Variants in RBFOX1 observed in about 807,000 individuals in gnomAD.
The protein encoded by RBFOX1 is RNA binding fox-1 homolog 1.
In RBFOX1, 8 loss-of-function variants were observed where a neutral mutation model predicts 57.7. That is an observed-to-expected ratio of 0.14 (90% CI 0.08 to 0.25). The LOEUF (loss-of-function observed/expected upper bound fraction) is 0.25. Ranked by LOEUF, RBFOX1 falls within the 10% of genes least tolerant of loss-of-function variation. The pLI, the probability that RBFOX1 is intolerant of heterozygous loss-of-function variation, is 1.00. For synonymous variants in RBFOX1, 326 were observed against 222.4 expected (o/e 1.47, Z -4.15); for missense variants, 611 against 548.5 (o/e 1.11, Z -1.14).
intron 2 of RBFOX1, among the ~76,000 whole-genome samples, chr16:6,559,265 C>G (rs755388017): frequency 1.5e-4 from 23 of 151,958 alleles, no homozygotes; most frequent in African/African-American, 4.8e-5. Context: ...TCTAATTAGA[C>G]AAAACACCCA....
rs532875564 is a variant in RBFOX1, at chr16:6,925,777, G to C, written c.-15-126280G>C. ...AAGAACGGGAAATCCCCCAGGTAGG[G>C]ATGATATTTAGAAATAGGAATAAAA... is the stretch of plus-strand genomic sequence containing the variant. On this transcript the variant is annotated intron_variant, in intron 3 of 15. Coordinates refer to ENST00000550418, the MANE Select transcript of RBFOX1 (RefSeq NM_018723.4). 2.6e-5 allele frequency among the ~76,000 whole-genome samples: 4 copies of C among 151,962 alleles called. No individual in the cohort carries two copies. The East Asian group carries it at 5.8e-4, about 22-fold the overall frequency.
At chr16:6,069,489 C>T (rs1412986840) in intron 1 of RBFOX1, among the ~76,000 whole-genome samples, 1 of 151,754 alleles carries the variant, frequency 6.6e-6, no homozygotes, top group Admixed American at 6.6e-5. Flanking sequence ...CCTGCCTTCC[C>T]CATGTCATGC....
chr16:5,259,162 T>A (rs1490475594), intron 1 of RBFOX1, among the ~76,000 whole-genome samples: 3 of 151,732 alleles, frequency 2.0e-5, no homozygotes, highest in Non-Finnish European at 4.4e-5. Flanking sequence ...GGGACAGTAA[T>A]GAATATTTAT....
intron 4 of RBFOX1, among the ~76,000 whole-genome samples, chr16:7,515,237 A>G (rs1190658654): frequency 2.0e-5 from 3 of 148,370 alleles, no homozygotes; most frequent in Non-Finnish European, 4.4e-5. Context: ...AAAAGATGCT[A>G]GTTTAGTTAT....
chr16:5,623,656 T>A (rs973772574), intron 3 of RBFOX1, among the ~76,000 whole-genome samples: 3 of 152,140 alleles, frequency 2.0e-5, no homozygotes, highest in Non-Finnish European at 4.4e-5. Context: ...CCCCAGCTGC[T>A]TGTAATGTCT....
intron 3 of RBFOX1, among the ~76,000 whole-genome samples, chr16:6,876,622 G>T (rs565480984): frequency 6.6e-6 from 1 of 151,972 alleles, no homozygotes. Flanking sequence ...TAAAAGACTT[G>T]TATCTATTTT....
chr16:6,061,097 C>G (rs2095680055), intron 1 of RBFOX1, among the ~76,000 whole-genome samples: 2 of 152,176 alleles, frequency 1.3e-5, no homozygotes, highest in African/African-American at 4.8e-5. Flanking sequence ...ACCTGATTGG[C>G]CCAGGTCTTT....
At chr16:6,711,728 C>T (rs149119729) in intron 3 of RBFOX1, among the ~76,000 whole-genome samples, 65 of 152,192 alleles carry the variant, frequency 4.3e-4, no homozygotes, top group Non-Finnish European at 8.1e-4. Flanking sequence ...GAGAATGGAC[C>T]GATACACTCC....
chr16:7,611,311 C>A (rs959189305), intron 10 of RBFOX1, among the ~76,000 whole-genome samples: 1 of 152,104 alleles, frequency 6.6e-6, no homozygotes, highest in Non-Finnish European at 1.5e-5. Flanking sequence ...ATTGACCAGG[C>A]GTGGTGGCTC....
intron 2 of RBFOX1, among the ~76,000 whole-genome samples, chr16:5,514,428 C>T (rs1274920536): frequency 6.6e-6 from 1 of 152,188 alleles, no homozygotes. Flanking sequence ...TTCCTTTCTG[C>T]TGCCTTCTCC....
At chr16:6,138,963 G>A (rs570397420) in intron 1 of RBFOX1, among the ~76,000 whole-genome samples, 4 of 152,238 alleles carry the variant, frequency 2.6e-5, no homozygotes, top group South Asian at 2.1e-4. Flanking sequence ...TGAAGAGGAG[G>A]GAGTCATACA....
At chr16:6,768,246 A>G (rs879910408) in intron 3 of RBFOX1, among the ~76,000 whole-genome samples, 5 of 152,020 alleles carry the variant, frequency 3.3e-5, no homozygotes, top group African/African-American at 7.2e-5. Context: ...CTCACTTTTT[A>G]CTCCATATAC....
intron 1 of RBFOX1, among the ~76,000 whole-genome samples, chr16:6,020,490 C>T (rs1321069112): frequency 6.6e-6 from 1 of 152,116 alleles, no homozygotes; most frequent in Non-Finnish European, 1.5e-5. Context: ...AGAAGGCTCA[C>T]TTATGTGGAG....
At chr16:6,823,777 C>T (rs971465700) in intron 3 of RBFOX1, among the ~76,000 whole-genome samples, 9 of 152,220 alleles carry the variant, frequency 5.9e-5, no homozygotes, top group Non-Finnish European at 2.9e-5. Flanking sequence ...CTAGTTGTTG[C>T]AGATAGGAAA....
chr16:7,248,767 A>G (rs560520768), intron 4 of RBFOX1, among the ~76,000 whole-genome samples: 7 of 152,322 alleles, frequency 4.6e-5, no homozygotes, highest in Admixed American at 2.6e-4. Context: ...ATTTTTCTGT[A>G]TGTCTAGGCA....
At chr16:7,351,672 C>T (rs1221553321) in intron 4 of RBFOX1, among the ~76,000 whole-genome samples, 1 of 152,016 alleles carries the variant, frequency 6.6e-6, no homozygotes, top group Non-Finnish European at 1.5e-5. Flanking sequence ...TTTTTCGCTT[C>T]CTGGGTTTGC....
intron 1 of RBFOX1, among the ~76,000 whole-genome samples, chr16:6,181,056 A>G (rs1245014526): frequency 2.0e-5 from 3 of 152,168 alleles, no homozygotes; most frequent in Non-Finnish European, 4.4e-5. Flanking sequence ...CTTTCCAAGT[A>G]TTTAGACTCT....
intron 4 of RBFOX1, among the ~76,000 whole-genome samples, chr16:7,460,781 T>A (rs893062523): frequency 2.0e-5 from 3 of 152,082 alleles, no homozygotes; most frequent in Admixed American, 6.6e-5. Context: ...AGCTATTGTG[T>A]TGAAGAAAAA....
At chr16:7,171,776 A>G (rs1000069825) in intron 4 of RBFOX1, among the ~76,000 whole-genome samples, 2 of 152,208 alleles carry the variant, frequency 1.3e-5, no homozygotes, top group Non-Finnish European at 1.5e-5. Context: ...ACTTCATCAA[A>G]GTTCCCAGGT....
Sources: allele counts gnomAD v4.1 joint callset (sites outside exome capture counted in the v4.1 genomes callset), GRCh38; gene constraint gnomAD v4.1.1; transcripts MANE v1.5; gene names NCBI Gene and HGNC (gene_info 2026-07-23, HGNC 2026-07-21).